The following GLIS3 variants were observed in gnomAD, a reference collection of about 807,000 sequenced individuals.
The protein encoded by GLIS3 is GLIS family zinc finger 3.
A neutral mutation model predicts 78.6 loss-of-function variants in GLIS3; 53 were observed. The observed-to-expected ratio is 0.67, with a 90% CI of 0.54 to 0.85. The LOEUF is 0.85. Ranked by LOEUF, GLIS3 falls within the 40% of genes least tolerant of loss-of-function variation. The pLI is 0.00. For synonymous variants in GLIS3, 684 were observed against 509.9 expected (o/e 1.34, Z -4.60); for missense variants, 1,703 against 1,231.1 (o/e 1.38, Z -5.74).
At chr9:3,916,839 T>A (rs1824545434) in intron 6 of GLIS3, among the ~76,000 whole-genome samples, 1 of 152,210 alleles carries the variant, frequency 6.6e-6, no homozygotes, top group African/African-American at 2.4e-5. Context: ...GTTCAATTGC[T>A]CTTGAAAAAG....
At chr9:3,963,495 G>A (rs921602658) in intron 4 of GLIS3, among the ~76,000 whole-genome samples, 1 of 152,032 alleles carries the variant, frequency 6.6e-6, no homozygotes, top group Non-Finnish European at 1.5e-5. Context: ...AAAACTTTTG[G>A]TGCTTGGCCA....
chr9:4,183,231 T>A (rs1817488524), intron 2 of GLIS3, among the ~76,000 whole-genome samples: 1 of 152,178 alleles, frequency 6.6e-6, no homozygotes. Flanking sequence ...AAAATTTAAA[T>A]TCAACATAGA....
At chr9:4,478,065 G>C in the GLIS3 span, among the ~76,000 whole-genome samples, 1 of 152,136 alleles carries the variant, frequency 6.6e-6, no homozygotes, top group Non-Finnish European at 1.5e-5. Flanking sequence ...GAACGCTTTA[G>C]AGAAATAACT....
intron 2 of GLIS3, among the ~76,000 whole-genome samples, chr9:4,316,820 T>C (rs1162316460): frequency 1.3e-5 from 2 of 152,184 alleles, no homozygotes; most frequent in Non-Finnish European, 2.9e-5. Flanking sequence ...AATGTATGCA[T>C]AGCTCAAATT....
At chr9:4,285,040 A>G (rs1827867625) in intron 2 of GLIS3, among the ~76,000 whole-genome samples, 1 of 152,220 alleles carries the variant, frequency 6.6e-6, no homozygotes, top group South Asian at 2.1e-4. Flanking sequence ...CTTTTTGGCT[A>G]CTTGACTGAT....
intron 2 of GLIS3, among the ~76,000 whole-genome samples, chr9:4,316,197 T>G (rs1405785650): frequency 6.6e-6 from 1 of 152,208 alleles, no homozygotes; most frequent in Non-Finnish European, 1.5e-5. Flanking sequence ...GAAGAGAGGT[T>G]AGGATTCCTA....
At chr9:3,925,582 G>A (rs1224582698) in intron 6 of GLIS3, among the ~76,000 whole-genome samples, 1 of 151,712 alleles carries the variant, frequency 6.6e-6, no homozygotes, top group Non-Finnish European at 1.5e-5. Context: ...GTGTCTACAT[G>A]GTCAGTGTGT....
At chr9:4,260,072 C>G (rs75491283) in intron 2 of GLIS3, among the ~76,000 whole-genome samples, 1 of 138,578 alleles carries the variant, frequency 7.2e-6, no homozygotes, top group Admixed American at 7.1e-5. Context: ...ACGATAGTGA[C>G]CTCTGATCTA....
At chr9:4,331,014 C>T (rs777779401) in intron 2 of GLIS3, among the ~76,000 whole-genome samples, 1 of 152,198 alleles carries the variant, frequency 6.6e-6, no homozygotes, top group Non-Finnish European at 1.5e-5. Context: ...TGTCCGGGAG[C>T]AAACAGGCCC....
upstream of GLIS3, among the ~76,000 whole-genome samples, chr9:4,300,098 T>G (rs920993175): frequency 1.4e-4 from 20 of 141,600 alleles, no homozygotes; most frequent in East Asian, 4.0e-3. Context: ...TGTAGCCAGC[T>G]GCTTCCTGAG....
the GLIS3 span, among the ~76,000 whole-genome samples, chr9:4,420,227 T>C: frequency 3.9e-5 from 6 of 152,170 alleles, no homozygotes; most frequent in Non-Finnish European, 7.3e-5. Flanking sequence ...GAGAGGAAGA[T>C]GCAATTTGAG....
chr9:4,488,220 G>A, the GLIS3 span, among the ~76,000 whole-genome samples: 1 of 152,100 alleles, frequency 6.6e-6, no homozygotes, highest in African/African-American at 2.4e-5. Context: ...TTCCCAAAGT[G>A]CTGGGATTAC....
chr9:3,990,682 G>A (rs1820160997), intron 4 of GLIS3, among the ~76,000 whole-genome samples: 2 of 152,114 alleles, frequency 1.3e-5, no homozygotes, highest in African/African-American at 4.8e-5. Flanking sequence ...AAGAGGGAAG[G>A]AAAATTTCAC....
intron 9 of GLIS3, among the ~76,000 whole-genome samples, chr9:3,848,766 C>T (rs778486015): frequency 3.3e-5 from 5 of 152,184 alleles, no homozygotes; most frequent in Non-Finnish European, 7.3e-5. Context: ...AAGCCATTTA[C>T]AATGTGTTTT....
Position 3,960,971 on chromosome 9 carries a change from G to A in GLIS3, c.1711-23782C>T, listed in dbSNP as rs545023487. 1.6e-4 allele frequency among the ~76,000 whole-genome samples: 25 copies of A among 152,244 alleles called. No individual in the cohort carries two copies. In the South Asian group the frequency reaches 5.0e-3, roughly 30 times the overall value. On this transcript the variant is annotated intron_variant, in intron 4 of 10. Coordinates refer to ENST00000381971, the MANE Select transcript of GLIS3 (RefSeq NM_001042413.2). ...CACCCCTTTGCTGAATGGTGTAATT[G>A]GCCTGCCATAAAGAATTGGGGAATT...
At chr9:4,489,018 C>T in the GLIS3 span, among the ~76,000 whole-genome samples, 371 of 152,238 alleles carry the variant, frequency 2.4e-3, 1 homozygote, top group Non-Finnish European at 2.8e-3. Flanking sequence ...AGGCACGTGC[C>T]ACCACGCCCG....
intron 1 of GLIS3, among the ~76,000 whole-genome samples, chr9:4,299,083 A>G (rs576003826): frequency 9.7e-4 from 147 of 152,144 alleles, no homozygotes; most frequent in Admixed American, 2.0e-3. Flanking sequence ...TGCCCGCTCT[A>G]CTTGAAATGA....
intron 2 of GLIS3, among the ~76,000 whole-genome samples, chr9:4,335,206 C>T (rs999104002): frequency 6.6e-6 from 1 of 152,140 alleles, no homozygotes; most frequent in Non-Finnish European, 1.5e-5. Context: ...CCGTACCTGG[C>T]CCCATTTCCA....
At chr9:4,279,153 T>G (rs10739040) in intron 2 of GLIS3, among the ~76,000 whole-genome samples, 151,343 of 151,544 alleles carry the variant, frequency 1, 75,572 homozygotes, top group Middle Eastern at 1. Flanking sequence ...TACAAAAGTT[T>G]CCGGGCGTGG....
Sources: allele counts gnomAD v4.1 joint callset (sites outside exome capture counted in the v4.1 genomes callset), GRCh38; gene constraint gnomAD v4.1.1; transcripts MANE v1.5; gene names NCBI Gene and HGNC (gene_info 2026-07-23, HGNC 2026-07-21).